ERBB4: variants seen among roughly 807,000 people sequenced by gnomAD.
The protein encoded by ERBB4 is erb-b2 receptor tyrosine kinase 4.
A neutral mutation model predicts 158.0 loss-of-function variants in ERBB4; 42 were observed. The ratio of observed to expected loss-of-function variants is 0.27; its 90% CI spans 0.21 to 0.34. The LOEUF (loss-of-function observed/expected upper bound fraction) is 0.34. Among genes scored for constraint, ERBB4 ranks in the 10% least tolerant of loss-of-function variants. ERBB4 has a pLI of 1.00. For missense variants in ERBB4, 1,333 were observed against 1,624.1 expected (o/e 0.82, Z 3.08); for synonymous variants, 583 against 558.7 (o/e 1.04, Z -0.61).
chr2:212,167,987 C>T (rs537237526), intron 1 of ERBB4, among the ~76,000 whole-genome samples: 2 of 151,710 alleles, frequency 1.3e-5, no homozygotes, highest in East Asian at 3.9e-4. Flanking sequence ...TCAATAGGTG[C>T]AGCAAACCAC....
At chr2:211,415,107 CTTTTTTTTTTTTTTTTT>C (rs71047175) in intron 25 of ERBB4, among the ~76,000 whole-genome samples, 1 of 72,506 alleles carries the variant, frequency 1.4e-5, no homozygotes, top group African/African-American at 5.5e-5. Context: ...CTTACATTTT[CTTTTTTTTTTTTTTTTT>C]TTTTTTTTTT....
chr2:212,532,900 C>T (rs1304984434), intron 1 of ERBB4, among the ~76,000 whole-genome samples: 1 of 152,222 alleles, frequency 6.6e-6, no homozygotes, highest in Non-Finnish European at 1.5e-5. Context: ...AAAACATCCA[C>T]ATATTTCAAC....
chr2:211,780,958 T>A (rs78517237), intron 4 of ERBB4, among the ~76,000 whole-genome samples: 5,637 of 152,314 alleles, frequency 0.037, 159 homozygotes, highest in Non-Finnish European at 0.055. Context: ...TCATTCTGTG[T>A]ATACATTTAT....
chr2:211,392,672 G>T (rs560596120), intron 25 of ERBB4, among the ~76,000 whole-genome samples: 16 of 151,444 alleles, frequency 1.1e-4, no homozygotes, highest in African/African-American at 2.9e-4. Flanking sequence ...GTTGTTGTTT[G>T]TTTGTTTGTT....
intron 4 of ERBB4, among the ~76,000 whole-genome samples, chr2:211,766,876 T>C (rs1339297704): frequency 6.6e-6 from 1 of 152,212 alleles, no homozygotes; most frequent in Non-Finnish European, 1.5e-5. Context: ...CTGATTGGTC[T>C]GCTCCTGAAA....
rs1575093298 is a variant in ERBB4, at chr2:211,750,623, A to C, written c.622+16T>G. On this transcript the variant is annotated intron_variant, in intron 5 of 27. Coordinates refer to ENST00000342788, the MANE Select transcript of ERBB4 (RefSeq NM_005235.3). The stretch of plus-strand genomic sequence containing the variant: ...GACCACATCAAACCTGTGTGCTCTC[A>C]CTGATGAACACTTACAAGTCTGGCA... 1 of 1,610,262 alleles carries C rather than the reference A, an allele frequency of 6.2e-7. No homozygotes were observed. The highest frequency in any genetic ancestry group is 8.5e-7 in the Non-Finnish European group (1 of 1,176,520).
chr2:211,678,318 C>CAAAAAAAAAAAAAACAA, intron 13 of ERBB4, among the ~76,000 whole-genome samples: 1 of 144,360 alleles, frequency 6.9e-6, no homozygotes, highest in Non-Finnish European at 1.5e-5. Flanking sequence ...AACAAACAAA[C>CAAAAAAAAAAAAAACAA]AAAAAAAAAA....
chr2:212,303,805 C>T (rs2086708927), intron 1 of ERBB4, among the ~76,000 whole-genome samples: 1 of 151,420 alleles, frequency 6.6e-6, no homozygotes, highest in Admixed American at 6.6e-5. Flanking sequence ...CATGTTTTCC[C>T]TGAGACACTT....
At chr2:211,805,333 GA>G (rs1246575562) in intron 3 of ERBB4, among the ~76,000 whole-genome samples, 2 of 152,074 alleles carry the variant, frequency 1.3e-5, no homozygotes, top group Non-Finnish European at 2.9e-5. Flanking sequence ...AGTTGAGTGA[GA>G]ACAAGAATCT....
At chr2:212,226,206 A>G (rs958193769) in intron 1 of ERBB4, among the ~76,000 whole-genome samples, 1 of 152,144 alleles carries the variant, frequency 6.6e-6, no homozygotes. Flanking sequence ...GTTGGCCAGT[A>G]AGAAAATGGG....
intron 1 of ERBB4, among the ~76,000 whole-genome samples, chr2:212,188,140 G>A (rs1166236849): frequency 7.0e-6 from 1 of 142,392 alleles, no homozygotes; most frequent in Non-Finnish European, 1.5e-5. Flanking sequence ...AGCCATCCAT[G>A]TCAAATCCCA....
intron 3 of ERBB4, among the ~76,000 whole-genome samples, chr2:211,890,337 T>C (rs1301579950): frequency 7.3e-6 from 1 of 136,996 alleles, no homozygotes; most frequent in African/African-American, 2.9e-5. Flanking sequence ...ATAAAATACT[T>C]CACAGACAAG....
At chr2:211,964,316 C>T (rs1349010824) in intron 2 of ERBB4, among the ~76,000 whole-genome samples, 1 of 152,146 alleles carries the variant, frequency 6.6e-6, no homozygotes, top group Non-Finnish European at 1.5e-5. Context: ...TATATGCATA[C>T]TGCAGTTTAC....
chr2:211,927,712 GT>G (rs545352921), intron 3 of ERBB4, among the ~76,000 whole-genome samples: 20 of 146,836 alleles, frequency 1.4e-4, no homozygotes, highest in East Asian at 4.0e-4. Context: ...ACTCGCAAAA[GT>G]TTTTTTTTTT....
At chr2:211,457,343 T>C (rs1055703641) in intron 20 of ERBB4, among the ~76,000 whole-genome samples, 21 of 152,256 alleles carry the variant, frequency 1.4e-4, no homozygotes, top group African/African-American at 4.8e-4. Context: ...ATTTATGCTC[T>C]ATAAACTAAA....
At chr2:212,332,894 G>T (rs1574704573) in intron 1 of ERBB4, among the ~76,000 whole-genome samples, 1 of 151,998 alleles carries the variant, frequency 6.6e-6, no homozygotes, top group African/African-American at 2.4e-5. Flanking sequence ...TCATTGAAAA[G>T]GTGAGTAGTG....
At chr2:211,701,859 T>A in intron 12 of ERBB4, 108 bp downstream of exon 12, 1 of 801,586 alleles carries the variant, frequency 1.2e-6, no homozygotes, top group Non-Finnish European at 2.2e-6. Flanking sequence ...AGGGTTGGGA[T>A]AACAGAGCAA....
chr2:212,255,476 A>G (rs1377925455), intron 1 of ERBB4, among the ~76,000 whole-genome samples: 1 of 152,158 alleles, frequency 6.6e-6, no homozygotes, highest in Non-Finnish European at 1.5e-5. Context: ...TAAATAAAAC[A>G]ATTTGTATTT....
chr2:211,707,996 G>C (rs2073513760), intron 9 of ERBB4, among the ~76,000 whole-genome samples: 1 of 151,930 alleles, frequency 6.6e-6, no homozygotes, highest in Non-Finnish European at 1.5e-5. Context: ...AAATATTATG[G>C]GTAATGGAAA....
Sources: gnomAD v4.1 joint callset for allele counts (sites outside exome capture counted in the v4.1 genomes callset) on GRCh38, gnomAD v4.1.1 for gene constraint, MANE v1.5 for transcripts, NCBI Gene and HGNC (gene_info 2026-07-23, HGNC 2026-07-21) for gene names.